Variants in CLCN2 observed in about 807,000 individuals in gnomAD.
CLCN2 encodes chloride voltage-gated channel 2, also known as chloride channel protein 2.
CLCN2 carries 72 observed loss-of-function variants against 108.3 expected under a neutral mutation model. That is an observed-to-expected ratio of 0.66 (90% confidence interval 0.55 to 0.81). CLCN2 has a LOEUF of 0.81. Ranked by LOEUF, CLCN2 falls within the 30% of genes least tolerant of loss-of-function variation. The probability of loss-of-function intolerance (pLI) is 0.00; values close to 1 mark genes in which losing one functional copy is unlikely to be tolerated. For missense variants in CLCN2, 1,048 were observed against 1,205.2 expected, an observed-to-expected ratio of 0.87 and a Z score of 1.93; for synonymous variants, 471 against 467.1, an observed-to-expected ratio of 1.01 and a Z score of -0.11.
At chr3:184,358,546 A>T in intron 3 of CLCN2, 136 bp downstream of exon 3, 1 of 1,265,772 alleles carries the variant, frequency 7.9e-7, no homozygotes, top group East Asian at 2.5e-5. Context: ...TGATGCCTGA[A>T]TCTGGGCAGT....
intron 16 of CLCN2, 89 bp from the exon 17 acceptor site, chr3:184,353,511 T>G: frequency 6.5e-7 from 1 of 1,533,958 alleles, no homozygotes; most frequent in Non-Finnish European, 8.9e-7. Context: ...GGGCCTTGCA[T>G]GCAGGCCACA....
Position 184,358,660 on chromosome 3 carries a change from C to T in CLCN2, c.352+22G>A, listed in dbSNP as rs377035511. 2.2e-5 allele frequency: 34 copies of T among 1,560,912 alleles called. No individual in the cohort carries two copies. In the African/African-American group the frequency reaches 4.4e-4, roughly 20 times the overall value. ...GCAGGAGGTTTATTCCCAGTCCTCC[C>T]CCTGCCAGCTGTCACCCTCACCTTG... On this transcript the variant is annotated intron_variant, in intron 3 of 23. Coordinates refer to ENST00000265593, the MANE Select transcript of CLCN2 (RefSeq NM_004366.6).
rs560318718 is a variant in CLCN2 at position 184,354,986 on chromosome 3, G to A, written c.1327-13C>T. 238 of 1,613,706 alleles carry A rather than the reference G, an allele frequency of 1.5e-4. 2 individuals are homozygous for A. In the South Asian group the frequency reaches 2.3e-3, roughly 16 times the overall value. ...CAGACATCCAGAACTGCAGGCAGGGGGTGGTTCAAAGGCGAAGAGGCTCCA... is the reference window on the plus strand; with the variant it reads ...CAGACATCCAGAACTGCAGGCAGGGAGTGGTTCAAAGGCGAAGAGGCTCCA... On this transcript the variant is annotated splice_polypyrimidine_tract_variant and intron_variant, in intron 12 of 23. Transcript: ENST00000265593.
chr3:184,346,895 T>C lies in CLCN2; in HGVS notation c.2502+40A>G, dbSNP rs1233103783. The stretch of plus-strand genomic sequence containing the variant: ...AGCTGGACATAAGCCTCCATGACTT[T>C]TTGGAAGTGGAGCAGCTTTGGAGGC... On this transcript the variant is annotated intron_variant, in intron 23 of 23. Coordinates refer to ENST00000265593, the MANE Select transcript of CLCN2 (RefSeq NM_004366.6). This position sits in a 1 kb window ranked among gnomAD's most constrained non-coding sequence, Gnocchi z 6.0. 1.2e-6 allele frequency: 2 copies of C among 1,611,446 alleles called. No homozygotes were observed. The highest frequency in any genetic ancestry group is 2.2e-5 in the East Asian group (1 of 44,864).
At position 184,355,769 on chromosome 3, in the gene CLCN2, G is replaced by A; in HGVS notation, c.1095C>T (p.Leu365=). Residue 365 remains leucine (L), a synonymous_variant, in exon 11 of 24, where the codon CTC becomes CTT. Transcript: ENST00000265593. This position sits in a 1 kb window ranked among gnomAD's most constrained non-coding sequence, Gnocchi z 6.3. ...INRFLMRKRL[L]FPALVTLLIS... is the part of the protein sequence containing the mutation. ...TGAGCAGGGTCACCAGAGCCGGGAA[G>A]AGCAGGCGTCTAGAGTCGTAGGTTT... 2.5e-6 allele frequency: 4 copies of A among 1,614,176 alleles called. No individual in the cohort carries two copies. Among genetic ancestry groups the A allele is most frequent in the Non-Finnish European group, 3.4e-6 (4 of 1,180,016 alleles).
At chr3:184,352,258 G>A (rs1218932998) in intron 21 of CLCN2, 35 bp downstream of exon 21, 1 of 1,613,186 alleles carries the variant, frequency 6.2e-7, no homozygotes, top group African/African-American at 1.3e-5. Context: ...ACACAACCAG[G>A]AAGAAACAGG....
At chr3:184,358,130 T>C in intron 4 of CLCN2, 35 bp from the exon 5 acceptor site, 1 of 1,614,008 alleles carries the variant, frequency 6.2e-7, no homozygotes, top group Non-Finnish European at 8.5e-7. Context: ...AGGCATTCGA[T>C]GCACCCATTT....
intron 15 of CLCN2, 82 bp downstream of exon 15, chr3:184,354,019 C>T (rs1250372509): frequency 2.0e-6 from 3 of 1,478,516 alleles, no homozygotes; most frequent in African/African-American, 1.4e-5. Context: ...GGCTCCAGGA[C>T]CTTGCTAGAG....
chr3:184,353,081 G>C lies in CLCN2; in HGVS notation c.2095C>G (p.Leu699Val). ...GETHKPLKPA[L>V]KRGPSVTRNL... Reference sequence around the variant, plus strand: ...CTGGTGACACTGGGCCCCCTCTTGAGTGCAGGCTTTAGGGGCTTGTGGGTC... The same window carrying C: ...CTGGTGACACTGGGCCCCCTCTTGACTGCAGGCTTTAGGGGCTTGTGGGTC... Residue 699 changes from leucine (L) to valine (V), a missense_variant, in exon 18 of 24, where the codon CTC (leucine) becomes GTC (valine). Coordinates refer to ENST00000265593, the MANE Select transcript of CLCN2 (RefSeq NM_004366.6). 1.2e-6 allele frequency: 2 copies of C among 1,614,200 alleles called. No individual in the cohort carries two copies. Among genetic ancestry groups the C allele is most frequent in the Non-Finnish European group, 1.7e-6 (2 of 1,180,034 alleles).
Position 184,359,102 on chromosome 3 carries a change from C to T in CLCN2, c.93G>A (p.Gly31=). 8 of 1,613,756 alleles carry T rather than the reference C, an allele frequency of 5.0e-6. No homozygotes were observed. Among genetic ancestry groups the T allele is most frequent in the Non-Finnish European group, 6.8e-6 (8 of 1,180,042 alleles). The stretch of plus-strand genomic sequence containing the variant: ...GAGCAGCTTCCTCTTTGGCAAAGGC[C>T]CCAAGGTCCTGAGTGTACCGGCCAT... ...LMYGRYTQDL[G]AFAKEEAARI... is the part of the protein sequence containing the mutation. The change falls in exon 2 of 24, where the codon GGG becomes GGA. Residue 31 remains glycine, a synonymous_variant. Transcript: ENST00000265593.
intron 1 of CLCN2, among the ~76,000 whole-genome samples, chr3:184,360,092 AAG>A (rs1577330101): frequency 6.6e-6 from 1 of 151,898 alleles, no homozygotes; most frequent in Non-Finnish European, 1.5e-5. Context: ...TAGAAGAGAA[AAG>A]AGAGGGAAGG....
intron 1 of CLCN2, among the ~76,000 whole-genome samples, chr3:184,360,722 G>A (rs1711950383): frequency 6.6e-6 from 1 of 152,196 alleles, no homozygotes; most frequent in Non-Finnish European, 1.5e-5. Context: ...GGGGCGATAA[G>A]TCAGCTCAGA....
At chr3:184,359,277 G>A (rs888935315) in intron 1 of CLCN2, 146 bp from the exon 2 acceptor site, 4 of 1,030,210 alleles carry the variant, frequency 3.9e-6, no homozygotes, top group African/African-American at 3.1e-5. Flanking sequence ...GGCCCGAGGT[G>A]TGGGAACAAT....
In CLCN2 at chr3:184,355,631, T is replaced by C. The variant is rs914517297; in HGVS notation, c.1170+63A>G. ...AGGGGTCCCACAGTCACACTGGGGC[T>C]GTTGGCTTTGGAGGAATGCCTTCCA... On this transcript the variant is annotated intron_variant, in intron 11 of 23. Coordinates refer to ENST00000265593, the MANE Select transcript of CLCN2 (RefSeq NM_004366.6). This position sits in a 1 kb window ranked among gnomAD's most constrained non-coding sequence, Gnocchi z 6.3. 11 of 1,602,386 alleles carry C rather than the reference T, an allele frequency of 6.9e-6. No homozygotes were observed. The highest frequency in any genetic ancestry group is 2.7e-5 in the African/African-American group (2 of 74,814).
At position 184,355,167 on chromosome 3, in the gene CLCN2, G is replaced by A. The variant is rs368952197; in HGVS notation, c.1327-194C>T. The A allele has an allele frequency of 3.1e-4, 243 of 780,904 alleles. No homozygotes were observed. The African/African-American group carries it at 3.5e-3, about 11-fold the overall frequency. The allele number at this position is 780,904 out of a possible 1,614,324, so 48.4% of individuals were successfully genotyped here. ...AGGGGAAGGACTCTGGAAGCAGATGGCTTGGGTTCAGATCATCGCTCTGCC... is the reference window on the plus strand; with the variant it reads ...AGGGGAAGGACTCTGGAAGCAGATGACTTGGGTTCAGATCATCGCTCTGCC... On this transcript the variant is annotated intron_variant, in intron 12 of 23. Transcript: ENST00000265593. The surrounding 1 kb of genome is among the most constrained non-coding windows in gnomAD (Gnocchi z 6.3).
intron 22 of CLCN2, chr3:184,348,539 C>CA (rs1258332941): frequency 2.0e-5 from 3 of 147,500 alleles, no homozygotes; most frequent in Non-Finnish European, 4.5e-5. Flanking sequence ...ATACCTATAA[C>CA]ACAGTTGTCA....
Position 184,355,036 on chromosome 3 carries a change from C to A in CLCN2, c.1327-63G>T. 6.7e-7 allele frequency: 1 copy of A among 1,483,660 alleles called. No homozygotes were observed. Among genetic ancestry groups the A allele is most frequent in the Admixed American group, 1.7e-5 (1 of 59,456 alleles). The allele number at this position is 1,483,660 out of a possible 1,614,324, so 91.9% of individuals were successfully genotyped here. Reference sequence around the variant, plus strand: ...ACCTGGCCCCAGGCAGCCCACAGCGCCACCCAGGAGAAGTCTACCTCGCTG... The same window carrying A: ...ACCTGGCCCCAGGCAGCCCACAGCGACACCCAGGAGAAGTCTACCTCGCTG... On this transcript the variant is annotated intron_variant, in intron 12 of 23. Coordinates refer to ENST00000265593, the MANE Select transcript of CLCN2 (RefSeq NM_004366.6). The surrounding 1 kb of genome is among the most constrained non-coding windows in gnomAD (Gnocchi z 6.3).
In CLCN2 at chr3:184,358,306, C is replaced by T; in HGVS notation, c.357G>A (p.Gln119=). The change falls in exon 4 of 24, where the codon CAG becomes CAA. Residue 119 remains glutamine (Q), a synonymous_variant. Coordinates refer to ENST00000265593, the MANE Select transcript of CLCN2 (RefSeq NM_004366.6). The stretch of plus-strand genomic sequence containing the variant: ...TGTTCAAGCCCCGGGACATCCACTG[C>T]TGGGCTGTGGGAAGAGGACCTGCTG... ...DYAIAACLQA[Q]QWMSRGLNTS... is the part of the protein sequence containing the mutation. 6.2e-7 allele frequency: 1 copy of T among 1,613,926 alleles called. No individual in the cohort carries two copies. Among genetic ancestry groups the T allele is most frequent in the Non-Finnish European group, 8.5e-7 (1 of 1,180,036 alleles).
intron 10 of CLCN2, 23 bp downstream of exon 10, chr3:184,356,970 G>T: frequency 6.4e-7 from 1 of 1,566,788 alleles, no homozygotes; most frequent in South Asian, 1.1e-5. Flanking sequence ...AAGCAGCCTG[G>T]AGAGGAGCCG....
Sources: gnomAD v4.1 joint callset for allele counts (sites outside exome capture counted in the v4.1 genomes callset) on GRCh38, gnomAD v4.1.1 for gene constraint, Gnocchi (gnomAD v3.1) non-coding constraint, MANE v1.5 for transcripts, NCBI Gene and HGNC (gene_info 2026-07-23, HGNC 2026-07-21) for gene names.